HDDC3: variants seen among roughly 807,000 people sequenced by gnomAD.
HDDC3 encodes guanosine-3',5'-bis(diphosphate) 3'-pyrophosphohydrolase MESH1.
In HDDC3, 18 loss-of-function variants were observed where a neutral mutation model predicts 19.1. The ratio of observed to expected loss-of-function variants is 0.94; its 90% CI spans 0.65 to 1.40. HDDC3 has a LOEUF of 1.40. HDDC3 is among the 40% of genes most tolerant of loss of function. The probability of loss-of-function intolerance (pLI) is 0.00; values close to 1 mark genes in which losing one functional copy is unlikely to be tolerated. For synonymous variants in HDDC3, 107 were observed against 99.4 expected (o/e 1.08, Z -0.46); for missense variants, 250 against 228.9 (o/e 1.09, Z -0.59).
rs1278661390 is a variant in HDDC3, at chr15:90,931,082, C to T, written c.*193G>A. The T allele has an allele frequency of 1.6e-6, 1 of 617,206 alleles. No homozygotes were observed. The allele number at this position is 617,206 out of a possible 1,614,324, so 38.2% of individuals were successfully genotyped here. On this transcript the variant is annotated 3_prime_UTR_variant, in exon 4 of 4. Transcript: ENST00000394272. ...GTGCATCAGAAATGGATGGGTACAT[C>T]TGATTCCCACCACGCGGGGCTCAGC...
Position 90,931,899 on chromosome 15 carries a change from C to G in HDDC3, c.214G>C (p.Asp72His), listed in dbSNP as rs554875348. Residue 72 changes from aspartate to histidine, a missense_variant, in exon 3 of 4, where the codon GAT becomes CAT. Asp to His is a moderately conservative substitution (Grantham distance 81, BLOSUM62 -1). Coordinates refer to ENST00000394272, the MANE Select transcript of HDDC3 (RefSeq NM_001286451.2). ...GCCCCAAAGTGTAGCTCCACCTCAT[C>G]CAGGGTGGTGTCTGTGTCCTCCACC... ...DTVEDTDTTL[D>H]EVELHFGAQV... 5 of 1,614,062 alleles carry G rather than the reference C, an allele frequency of 3.1e-6. No homozygotes were observed. The highest frequency in any genetic ancestry group is 1.3e-5 in the African/African-American group (1 of 75,060).
In HDDC3 at chr15:90,931,935, G is replaced by A; in HGVS notation, c.178C>T (p.Leu60Phe). The change falls in exon 3 of 4, where the codon CTC (leucine) becomes TTC (phenylalanine). Residue 60 changes from leucine (L) to phenylalanine (F), a missense_variant. Coordinates refer to ENST00000394272, the MANE Select transcript of HDDC3 (RefSeq NM_001286451.2). ...TDIVVLQAAL[L>F]HDTVEDTDTT... ...TCTGTGTCCTCCACCGTGTCATGGA[G>A]CAGGGCCGCCTGGGGACAAGTTCCC... The A allele has an allele frequency of 6.2e-7, 1 of 1,613,860 alleles. No individual in the cohort carries two copies. The highest frequency in any genetic ancestry group is 8.5e-7 in the Non-Finnish European group (1 of 1,179,954).
rs890362632 is a variant in HDDC3, at chr15:90,930,355, C to A, written c.*920G>T. On this transcript the variant is annotated 3_prime_UTR_variant, in exon 4 of 4. Transcript: ENST00000394272. ...GTCAGTAAGCGGGCGGCACTCCCTT[C>A]CGATACGTCTTTTCTTTTTTCATTT... 5 of 152,312 alleles carry A rather than the reference C, an allele frequency of 3.3e-5. No homozygotes were observed. Among genetic ancestry groups the A allele is most frequent in the African/African-American group, 1.2e-4 (5 of 41,432 alleles). 9.4% of individuals were successfully genotyped at this position (152,312 alleles called of 1,614,324 possible). A position where few individuals can be genotyped will look rare whatever the true frequency, so the allele number is the denominator to read the frequency against.
chr15:90,932,162 G>T, intron 1 of HDDC3, 52 bp from the exon 2 acceptor site: 1 of 1,540,838 alleles, frequency 6.5e-7, no homozygotes, highest in Middle Eastern at 1.8e-4. Context: ...TCCCAAGGCG[G>T]TGTGTTGTGG....
At position 90,932,413 on chromosome 15, in the gene HDDC3, C is replaced by T. The variant is rs2035834084; in HGVS notation, c.112+16G>A. 2.3e-6 allele frequency: 3 copies of T among 1,322,392 alleles called. No individual in the cohort carries two copies. Among genetic ancestry groups the T allele is most frequent in the Admixed American group, 3.7e-5 (1 of 27,046 alleles). The allele number at this position is 1,322,392 out of a possible 1,614,324, so 81.9% of individuals were successfully genotyped here. On this transcript the variant is annotated intron_variant, in intron 1 of 3. Transcript: ENST00000394272. ...CCCAGGTGCCGCAGCCGGCGCTCCG[C>T]GGCCGACGCGCCCACCGATGGGGTG...
Position 90,932,473 on chromosome 15 carries a change from C to G in HDDC3, c.68G>C (p.Arg23Pro), listed in dbSNP as rs868073323. ...GGGGGTCCCCTCGGGGTCCTTCCGC[C>G]GCTGCTGCCGGTGCTTGCGAGCCGC... ...DFAARKHRQQ[R>P]RKDPEGTPYI... Residue 23 changes from arginine to proline, a missense_variant, in exon 1 of 4, where the codon CGG becomes CCG. Transcript: ENST00000394272. 2.3e-6 allele frequency: 3 copies of G among 1,323,954 alleles called. No homozygotes were observed. The highest frequency in any genetic ancestry group is 3.6e-5 in the Admixed American group (1 of 27,860). The allele number at this position is 1,323,954 out of a possible 1,614,324, so 82.0% of individuals were successfully genotyped here.
intron 1 of HDDC3, 40 bp downstream of exon 1, chr15:90,932,389 C>G: frequency 8.1e-7 from 1 of 1,234,874 alleles, no homozygotes; most frequent in African/African-American, 1.6e-5. Flanking sequence ...TCCCCACCAC[C>G]CAGGTGCCGC....
At chr15:90,931,487 C>G (rs995051168) in intron 3 of HDDC3, 82 bp from the exon 4 acceptor site, 1 of 1,614,022 alleles carries the variant, frequency 6.2e-7, no homozygotes, top group Non-Finnish European at 8.5e-7. Flanking sequence ...AAGCTTGGTT[C>G]AAGGCCATGA....
intron 2 of HDDC3, 26 bp downstream of exon 2, chr15:90,932,029 T>A (rs1358067574): frequency 5.0e-6 from 8 of 1,613,940 alleles, no homozygotes; most frequent in Non-Finnish European, 6.8e-6. Context: ...CATCCCAGGC[T>A]CCTGGCAGAG....
Position 90,931,383 on chromosome 15 carries a change from CTG to C in HDDC3, c.430_431del (p.Gln144GlyfsTer40). 3 of 1,564,034 alleles carry C rather than the reference CTG, an allele frequency of 1.9e-6. No homozygotes were observed. Among genetic ancestry groups the C allele is most frequent in the Non-Finnish European group, 2.6e-6 (3 of 1,153,324 alleles). Reference sequence around the variant, plus strand: ...CCTGCGCTGCCCACTCGAAGTATTCCTGGACTCGATGTTCTGACCATCCTGCA... The same window carrying C: ...CCTGCGCTGCCCACTCGAAGTATTCCGACTCGATGTTCTGACCATCCTGCA... ...TPEGWSEHRV[Q>X]EYFEWAAQVV... On this transcript the variant is annotated frameshift_variant, in exon 4 of 4. Coordinates refer to ENST00000394272, the MANE Select transcript of HDDC3 (RefSeq NM_001286451.2). LOFTEE classifies it high-confidence loss of function.
intron 3 of HDDC3, 107 bp from the exon 4 acceptor site, chr15:90,931,512 G>C: frequency 1.2e-6 from 2 of 1,614,168 alleles, no homozygotes; most frequent in Non-Finnish European, 1.7e-6. Flanking sequence ...CTGATGGAAT[G>C]AGCTGTCCTG....
In HDDC3 at chr15:90,931,387, A is replaced by G; in HGVS notation, c.428T>C (p.Val143Ala). 1 of 1,566,668 alleles carries G rather than the reference A, an allele frequency of 6.4e-7. No individual in the cohort carries two copies. Among genetic ancestry groups the G allele is most frequent in the East Asian group, 2.4e-5 (1 of 41,600 alleles). ...CGCTGCCCACTCGAAGTATTCCTGG[A>G]CTCGATGTTCTGACCATCCTGCATA... ...CTPEGWSEHRVQEYFEWAAQV... is the reference protein window; with the variant it reads ...CTPEGWSEHRAQEYFEWAAQV... The change falls in exon 4 of 4, where the codon GTC becomes GCC. Residue 143 changes from valine (V) to alanine (A), a missense_variant. Val to Ala is a moderately conservative substitution (Grantham distance 64). Coordinates refer to ENST00000394272, the MANE Select transcript of HDDC3 (RefSeq NM_001286451.2).
chr15:90,932,132 G>C, intron 1 of HDDC3, 22 bp from the exon 2 acceptor site: 1 of 1,575,808 alleles, frequency 6.3e-7, no homozygotes, highest in Non-Finnish European at 8.6e-7. Flanking sequence ...GGGCAAAGCA[G>C]GAAGTCAGGT....
Position 90,931,299 on chromosome 15 carries a change from G to T in HDDC3, c.516C>A (p.Phe172Leu). 6.4e-7 allele frequency: 1 copy of T among 1,550,952 alleles called. No individual in the cohort carries two copies. Among genetic ancestry groups the T allele is most frequent in the South Asian group, 1.2e-5 (1 of 84,052 alleles). ...RQLEEALKHL[F>L]KQRGLTI ...ATCAGATTGTCAGCCCCCGCTGCTT[G>T]AACAGATGCTTTAGAGCCTCTTCCA... is the stretch of plus-strand genomic sequence containing the variant. Residue 172 changes from phenylalanine (F) to leucine (L), a missense_variant, in exon 4 of 4, where the codon TTC becomes TTA. Transcript: ENST00000394272.
rs1382571500 is a variant in HDDC3, at chr15:90,931,108, T to G, written c.*167A>C. The G allele has an allele frequency of 3.2e-5, 24 of 748,148 alleles. No homozygotes were observed. The highest frequency in any genetic ancestry group is 2.9e-4 in the Middle Eastern group (1 of 3,440). The allele number at this position is 748,148 out of a possible 1,614,324, so 46.3% of individuals were successfully genotyped here. ...TGATTCCCACCACGCGGGGCTCAGCTTAGTTAGCAGGAGACCTTCAGACTG... is the reference window on the plus strand; with the variant it reads ...TGATTCCCACCACGCGGGGCTCAGCGTAGTTAGCAGGAGACCTTCAGACTG... On this transcript the variant is annotated 3_prime_UTR_variant, in exon 4 of 4. Transcript: ENST00000394272.
At chr15:90,931,556 AC>A in intron 3 of HDDC3, 147 bp downstream of exon 3, 1 of 1,614,142 alleles carries the variant, frequency 6.2e-7, no homozygotes, top group Middle Eastern at 1.6e-4. Flanking sequence ...TTGTATTTTT[AC>A]TGTATGAAAG....
chr15:90,932,440 T>C lies in HDDC3; in HGVS notation c.101A>G (p.Asn34Ser). The C allele has an allele frequency of 7.3e-7, 1 of 1,364,680 alleles. No homozygotes were observed. Among genetic ancestry groups the C allele is most frequent in the South Asian group, 1.8e-5 (1 of 54,634 alleles). 84.5% of individuals were successfully genotyped at this position (1,364,680 alleles called of 1,614,324 possible). Reference protein sequence around the residue: ...RKDPEGTPYINHPIGVARILT... With the variant: ...RKDPEGTPYISHPIGVARILT... Reference sequence around the variant, plus strand: ...GCCGACGCGCCCACCGATGGGGTGGTTGATGTAGGGGGTCCCCTCGGGGTC... The same window carrying C: ...GCCGACGCGCCCACCGATGGGGTGGCTGATGTAGGGGGTCCCCTCGGGGTC... Residue 34 changes from asparagine to serine, a missense_variant, in exon 1 of 4, where the codon AAC (asparagine) becomes AGC (serine). Physicochemically the swap from Asn to Ser is conservative, Grantham distance 46. Transcript: ENST00000394272.
chr15:90,932,489 TGCGAGC>T lies in HDDC3; in HGVS notation c.46_51del (p.Ala16_Arg17del). 1 of 1,308,596 alleles carries T rather than the reference TGCGAGC, an allele frequency of 7.6e-7. No individual in the cohort carries two copies. Among genetic ancestry groups the T allele is most frequent in the Non-Finnish European group, 9.7e-7 (1 of 1,029,412 alleles). 81.1% of individuals were successfully genotyped at this position (1,308,596 alleles called of 1,614,324 possible). A position where few individuals can be genotyped will look rare whatever the true frequency, so the allele number is the denominator to read the frequency against. ...TCCTTCCGCCGCTGCTGCCGGTGCT[TGCGAGC>T]CGCGAAGTCGGCAGCCTCCAGCAGC... On this transcript the variant is annotated inframe_deletion, in exon 1 of 4. Transcript: ENST00000394272.
intron 1 of HDDC3, 139 bp from the exon 2 acceptor site, chr15:90,932,249 G>T: frequency 1.0e-6 from 1 of 960,532 alleles, no homozygotes. Context: ...TACCCTCTGG[G>T]AGCCAACCGA....
Sources: allele counts gnomAD v4.1 joint callset, GRCh38; gene constraint gnomAD v4.1.1; transcripts MANE v1.5; gene names NCBI Gene and HGNC (gene_info 2026-07-23, HGNC 2026-07-21).